TCERG1L: variants seen among roughly 807,000 people sequenced by gnomAD.
TCERG1L encodes transcription elongation regulator 1 like.
TCERG1L carries 37 observed loss-of-function variants against 56.3 expected under a neutral mutation model. The ratio of observed to expected loss-of-function variants is 0.66; its 90% CI spans 0.51 to 0.87. The LOEUF (loss-of-function observed/expected upper bound fraction) is 0.87, where lower values mean the gene tolerates loss of function less well. TCERG1L is among the 40% of genes least tolerant of loss of function. The pLI, the probability that TCERG1L is intolerant of heterozygous loss-of-function variation, is 0.00. For missense variants in TCERG1L, 799 were observed against 774.2 expected, an observed-to-expected ratio of 1.03 and a Z score of -0.38; for synonymous variants, 324 against 326.3, an observed-to-expected ratio of 0.99 and a Z score of 0.08.
intron 2 of TCERG1L, 34 bp from the exon 3 acceptor site, chr10:131,308,425 G>C: frequency 6.3e-7 from 1 of 1,581,010 alleles, no homozygotes; most frequent in Non-Finnish European, 8.7e-7. Context: ...AACACTGAAG[G>C]CAAGGTGCAT....
At chr10:131,195,744 C>T (rs1167932198) in intron 4 of TCERG1L, among the ~76,000 whole-genome samples, 1 of 152,188 alleles carries the variant, frequency 6.6e-6, no homozygotes, top group Non-Finnish European at 1.5e-5. Flanking sequence ...ACCCTTTTAT[C>T]TTCTGGGGGA....
At chr10:131,229,583 G>A (rs1170199478) in intron 4 of TCERG1L, among the ~76,000 whole-genome samples, 1 of 152,140 alleles carries the variant, frequency 6.6e-6, no homozygotes, top group African/African-American at 2.4e-5. Flanking sequence ...TTACCAATTA[G>A]CGCAGCCATC....
At chr10:131,269,920 G>A (rs1846322393) in intron 3 of TCERG1L, among the ~76,000 whole-genome samples, 3 of 152,206 alleles carry the variant, frequency 2.0e-5, no homozygotes, top group South Asian at 2.1e-4. Context: ...GTGAAGCCTC[G>A]CACCAAACCC....
At chr10:131,122,620 G>T (rs1845525039) in intron 8 of TCERG1L, among the ~76,000 whole-genome samples, 1 of 152,130 alleles carries the variant, frequency 6.6e-6, no homozygotes, top group Non-Finnish European at 1.5e-5. Context: ...TCTTCCATTT[G>T]GCTGCTCCTG....
chr10:131,226,964 A>G (rs1412620335), intron 4 of TCERG1L, among the ~76,000 whole-genome samples: 2 of 152,254 alleles, frequency 1.3e-5, no homozygotes, highest in Non-Finnish European at 2.9e-5. Flanking sequence ...CCGCAGCACG[A>G]GAGCAGCTGC....
chr10:131,284,627 T>C (rs1272518976), intron 3 of TCERG1L, among the ~76,000 whole-genome samples: 2 of 151,894 alleles, frequency 1.3e-5, no homozygotes, highest in Non-Finnish European at 2.9e-5. Flanking sequence ...ACTAATAAAA[T>C]GGACAAACCT....
intron 1 of TCERG1L, among the ~76,000 whole-genome samples, chr10:131,309,845 A>AAAAAAAAAAAAAG (rs1846862462): frequency 6.7e-6 from 1 of 149,130 alleles, no homozygotes; most frequent in South Asian, 2.1e-4. Context: ...AAAAAAAAAA[A>AAAAAAAAAAAAAG]AAAAAAAAAA....
chr10:131,239,966 GCTTT>G (rs1346436801), intron 4 of TCERG1L, among the ~76,000 whole-genome samples: 4 of 152,182 alleles, frequency 2.6e-5, no homozygotes, highest in Non-Finnish European at 4.4e-5. Flanking sequence ...TCTGTGGGGT[GCTTT>G]CTATCTGCTT....
chr10:131,216,407 G>T (rs1042862474), intron 4 of TCERG1L, among the ~76,000 whole-genome samples: 5 of 152,288 alleles, frequency 3.3e-5, no homozygotes, highest in African/African-American at 1.2e-4. Flanking sequence ...CTACAGTGAG[G>T]CCTTCAGTTT....
chr10:131,308,649 T>C (rs141520108), intron 2 of TCERG1L, among the ~76,000 whole-genome samples: 14 of 152,352 alleles, frequency 9.2e-5, no homozygotes, highest in African/African-American at 3.1e-4. Flanking sequence ...AGTTCACTGA[T>C]TGAAGAATCA....
intron 4 of TCERG1L, among the ~76,000 whole-genome samples, chr10:131,235,026 A>G (rs933805308): frequency 2.0e-5 from 3 of 152,204 alleles, no homozygotes; most frequent in Admixed American, 2.0e-4. Context: ...AGCAGAGGGC[A>G]GCTGCCACAT....
chr10:131,286,020 C>A (rs992737176), intron 3 of TCERG1L, among the ~76,000 whole-genome samples: 1 of 152,112 alleles, frequency 6.6e-6, no homozygotes, highest in African/African-American at 2.4e-5. Flanking sequence ...ACTGAAAGTT[C>A]TAGATAATCA....
At position 131,309,222 on chromosome 10, in the gene TCERG1L, A is replaced by G; in HGVS notation, c.420T>C (p.His140=). ...GGGTTGCAAGAGCAGAAGGGCAGAG[A>G]TGTGGGAAGACGGGCACCAGCTCCA... ...STVELVPVFP[H]LCPSALATPI... The change falls in exon 2 of 12, where the codon CAT becomes CAC. Residue 140 remains histidine (H), a synonymous_variant. Coordinates refer to ENST00000368642, the MANE Select transcript of TCERG1L (RefSeq NM_174937.4). The G allele has an allele frequency of 2.5e-6, 4 of 1,609,104 alleles. No individual in the cohort carries two copies. Among genetic ancestry groups the G allele is most frequent in the Non-Finnish European group, 2.5e-6 (3 of 1,178,344 alleles).
rs117555358 is a variant in TCERG1L at position 131,163,324 on chromosome 10, C to A, written c.946-114G>T. On this transcript the variant is annotated intron_variant, in intron 5 of 11. Coordinates refer to ENST00000368642, the MANE Select transcript of TCERG1L (RefSeq NM_174937.4). ...CCTGCAGGCAGGCAGCTTATAGTAGCCACGAGATAATGACCTCAGCACGGC... is the reference window on the plus strand; with the variant it reads ...CCTGCAGGCAGGCAGCTTATAGTAGACACGAGATAATGACCTCAGCACGGC... The A allele has an allele frequency of 1.6e-5, 13 of 828,296 alleles. No homozygotes were observed. In the Admixed American group the frequency reaches 3.3e-4, roughly 21 times the overall value. 51.3% of individuals were successfully genotyped at this position (828,296 alleles called of 1,614,324 possible). A position where few individuals can be genotyped will look rare whatever the true frequency, so the allele number is the denominator to read the frequency against.
rs991551755 is a variant in TCERG1L at position 131,293,225 on chromosome 10, CCTT to C, written c.670+14983_670+14985del. Among the ~76,000 whole-genome samples the C allele has an allele frequency of 7.9e-5, 12 of 152,198 alleles. No individual in the cohort carries two copies. In the East Asian group the frequency reaches 1.2e-3, roughly 15 times the overall value. On this transcript the variant is annotated intron_variant, in intron 3 of 11. Coordinates refer to ENST00000368642, the MANE Select transcript of TCERG1L (RefSeq NM_174937.4). Reference sequence around the variant, plus strand: ...TGCTTCCCCATGTTTTCCTTTTTCTCCTTGAGTTTTCTAATGCCTGGATTTGAA... The same window carrying C: ...TGCTTCCCCATGTTTTCCTTTTTCTCGAGTTTTCTAATGCCTGGATTTGAA...
chr10:131,139,842 CTCTGTGTATGTG>C (rs1237092417), intron 7 of TCERG1L, among the ~76,000 whole-genome samples: 6 of 151,066 alleles, frequency 4.0e-5, no homozygotes, highest in South Asian at 2.1e-4. Context: ...CTGTGTGTGT[CTCTGTGTATGTG>C]TCTGTGCGTG....
chr10:131,225,113 G>A (rs902862099), intron 4 of TCERG1L, among the ~76,000 whole-genome samples: 1 of 152,166 alleles, frequency 6.6e-6, no homozygotes, highest in East Asian at 1.9e-4. Flanking sequence ...CACAGAACCA[G>A]TAGTCCGACT....
intron 3 of TCERG1L, among the ~76,000 whole-genome samples, chr10:131,293,975 G>T (rs923644804): frequency 1.3e-5 from 2 of 152,162 alleles, no homozygotes; most frequent in Non-Finnish European, 2.9e-5. Context: ...GTGGCTGTAG[G>T]TAAGGCCCAG....
rs982900555 is a variant in TCERG1L, at chr10:131,260,117, G to A, written c.856+142C>T. ...GTCCGAAGTCAAGCAAAGCCCAAAC[G>A]GCCCCAGCCGAATGTTTCCCTCAAC... On this transcript the variant is annotated intron_variant, in intron 4 of 11. Transcript: ENST00000368642. This position sits in a 1 kb window ranked among gnomAD's most constrained non-coding sequence, Gnocchi z 5.8. 1.7e-5 allele frequency: 21 copies of A among 1,229,446 alleles called. No homozygotes were observed. The South Asian group carries it at 6.6e-4, about 39-fold the overall frequency. 76.2% of individuals were successfully genotyped at this position (1,229,446 alleles called of 1,614,324 possible).
Sources: allele counts gnomAD v4.1 joint callset (sites outside exome capture counted in the v4.1 genomes callset), GRCh38; gene constraint gnomAD v4.1.1; non-coding constraint Gnocchi (gnomAD v3.1); transcripts MANE v1.5; gene names NCBI Gene and HGNC (gene_info 2026-07-23, HGNC 2026-07-21).